Variants in EYS observed in about 807,000 individuals in gnomAD.
EYS encodes the protein protein eyes shut homolog.
In EYS, 250 loss-of-function variants were observed where a neutral mutation model predicts 282.1. That is an observed-to-expected ratio of 0.89 (90% confidence interval 0.80 to 0.98). EYS has a LOEUF of 0.98. Among genes scored for constraint, EYS ranks in the 50% least tolerant of loss-of-function variants. The pLI is 0.00. For missense variants in EYS, 4,016 were observed against 3,709.0 expected (o/e 1.08, Z -2.15); for synonymous variants, 1,355 against 1,282.9 (o/e 1.06, Z -1.20).
intron 12 of EYS, among the ~76,000 whole-genome samples, chr6:65,276,978 A>G (rs574261318): frequency 2.9e-4 from 44 of 152,298 alleles, no homozygotes; most frequent in African/African-American, 9.9e-4. Flanking sequence ...AAGTATTGTT[A>G]ATTTTACATC....
chr6:64,473,180 T>C, intron 26 of EYS, among the ~76,000 whole-genome samples: 1 of 152,182 alleles, frequency 6.6e-6, no homozygotes, highest in East Asian at 1.9e-4. Flanking sequence ...TGGGGATATT[T>C]GCTTTCTTAT....
intron 30 of EYS, among the ~76,000 whole-genome samples, chr6:64,272,507 G>T (rs1039118745): frequency 3.3e-5 from 5 of 152,086 alleles, no homozygotes; most frequent in Non-Finnish European, 5.9e-5. Flanking sequence ...GTCTGTAATG[G>T]ATTTTATTTC....
intron 12 of EYS, among the ~76,000 whole-genome samples, chr6:65,268,011 T>C (rs1767803740): frequency 6.6e-6 from 1 of 151,794 alleles, no homozygotes; most frequent in African/African-American, 2.4e-5. Flanking sequence ...CATACTTGTG[T>C]CTTATTATGC....
chr6:64,838,011 A>T (rs59991121), intron 19 of EYS, among the ~76,000 whole-genome samples: 2,043 of 151,748 alleles, frequency 0.013, 44 homozygotes, highest in African/African-American at 0.046. Flanking sequence ...TACAAACTTT[A>T]AAAAAACGAA....
At chr6:64,718,496 C>T (rs1192998516) in intron 22 of EYS, among the ~76,000 whole-genome samples, 1 of 152,082 alleles carries the variant, frequency 6.6e-6, no homozygotes, top group Non-Finnish European at 1.5e-5. Context: ...ATGCAATGCA[C>T]TTTTGACCTT....
At chr6:63,926,839 T>G (rs1764730298) in intron 35 of EYS, among the ~76,000 whole-genome samples, 1 of 152,244 alleles carries the variant, frequency 6.6e-6, no homozygotes. Context: ...AATAATGACC[T>G]GCACTTGGGT....
chr6:65,540,226 T>C (rs1768111349), intron 2 of EYS, among the ~76,000 whole-genome samples: 1 of 152,188 alleles, frequency 6.6e-6, no homozygotes, highest in African/African-American at 2.4e-5. Context: ...AAGCACATTG[T>C]ATTCTAAGAA....
At chr6:65,317,509 T>C (rs1769325133) in intron 11 of EYS, among the ~76,000 whole-genome samples, 1 of 152,202 alleles carries the variant, frequency 6.6e-6, no homozygotes, top group African/African-American at 2.4e-5. Context: ...TTTGATTCTG[T>C]TATCTATTGC....
At chr6:65,184,754 C>T (rs1441917550) in intron 12 of EYS, among the ~76,000 whole-genome samples, 3 of 151,430 alleles carry the variant, frequency 2.0e-5, no homozygotes, top group Admixed American at 6.6e-5. Flanking sequence ...GGAAAAAAGT[C>T]TAAAAACCTT....
chr6:64,064,127 T>G (rs1582218413), intron 33 of EYS, among the ~76,000 whole-genome samples: 1 of 152,226 alleles, frequency 6.6e-6, no homozygotes, highest in African/African-American at 2.4e-5. Flanking sequence ...TAAGCCTTCC[T>G]GCATCATGTT....
intron 37 of EYS, chr6:63,797,124 A>G (rs1466624848): frequency 6.6e-6 from 1 of 152,212 alleles, no homozygotes; most frequent in African/African-American, 2.4e-5. Context: ...TATTCTTAAT[A>G]TAACAAAATA....
At chr6:65,195,810 G>A (rs746564523) in intron 12 of EYS, among the ~76,000 whole-genome samples, 1 of 152,098 alleles carries the variant, frequency 6.6e-6, no homozygotes, top group African/African-American at 2.4e-5. Context: ...AGTGAAAAAT[G>A]CTGCTTCATA....
At chr6:65,535,132 T>C (rs1767916186) in intron 2 of EYS, among the ~76,000 whole-genome samples, 1 of 152,124 alleles carries the variant, frequency 6.6e-6, no homozygotes, top group Admixed American at 6.6e-5. Flanking sequence ...GTCAGTAAAC[T>C]GGAGACCCAG....
At chr6:63,991,177 G>A (rs965867491) in intron 34 of EYS, among the ~76,000 whole-genome samples, 1 of 151,680 alleles carries the variant, frequency 6.6e-6, no homozygotes, top group African/African-American at 2.4e-5. Context: ...GCAGGCACAA[G>A]TTCAGGGAAG....
At chr6:64,377,842 C>A (rs766252639) in intron 29 of EYS, 19 of 152,034 alleles carry the variant, frequency 1.2e-4, no homozygotes, top group Non-Finnish European at 2.6e-4. Context: ...TGACTGGGTT[C>A]AAATCCTCAT....
intron 22 of EYS, among the ~76,000 whole-genome samples, chr6:64,742,680 T>C (rs886095776): frequency 3.3e-5 from 5 of 152,158 alleles, no homozygotes; most frequent in African/African-American, 1.2e-4. Context: ...TGCATACTTA[T>C]TCTCAAGCTT....
At chr6:64,522,235 A>G (rs1777766807) in intron 26 of EYS, among the ~76,000 whole-genome samples, 1 of 151,782 alleles carries the variant, frequency 6.6e-6, no homozygotes, top group African/African-American at 2.4e-5. Context: ...TGAAGTTTTG[A>G]AACATAGTTT....
chr6:63,832,069 G>A (rs1019193803), intron 36 of EYS, among the ~76,000 whole-genome samples: 4 of 152,134 alleles, frequency 2.6e-5, no homozygotes, highest in African/African-American at 9.7e-5. Context: ...TTAAAGCAGT[G>A]TGTAGAGGGA....
chr6:63,828,123 C>A (rs1220679980), intron 36 of EYS, among the ~76,000 whole-genome samples: 1 of 152,026 alleles, frequency 6.6e-6, no homozygotes, highest in African/African-American at 2.4e-5. Context: ...CCCTAAACAC[C>A]TACATCAAAA....
Sources: gnomAD v4.1 joint callset for allele counts (sites outside exome capture counted in the v4.1 genomes callset) on GRCh38, gnomAD v4.1.1 for gene constraint, MANE v1.5 for transcripts, NCBI Gene and HGNC (gene_info 2026-07-23, HGNC 2026-07-21) for gene names.